FAM222B: variants seen among roughly 807,000 people sequenced by gnomAD.
FAM222B encodes the protein protein FAM222B.
FAM222B carries 12 observed loss-of-function variants against 38.0 expected under a neutral mutation model. That is an observed-to-expected ratio of 0.32 (90% confidence interval 0.20 to 0.51). FAM222B has a LOEUF of 0.51. Ranked by LOEUF, FAM222B falls within the 20% of genes least tolerant of loss-of-function variation. The pLI is 0.97. For synonymous variants in FAM222B, 329 were observed against 317.2 expected (o/e 1.04, Z -0.40); for missense variants, 716 against 754.2 (o/e 0.95, Z 0.59).
intron 1 of FAM222B, among the ~76,000 whole-genome samples, chr17:28,774,462 T>C (rs1375308034): frequency 6.6e-6 from 1 of 152,158 alleles, no homozygotes; most frequent in African/African-American, 2.4e-5. Context: ...GGGACTATGG[T>C]ATCACAGTGA....
chr17:28,774,712 G>A (rs1199140591), intron 1 of FAM222B, among the ~76,000 whole-genome samples: 1 of 152,128 alleles, frequency 6.6e-6, no homozygotes, highest in Non-Finnish European at 1.5e-5. Context: ...ATTTGTGCCA[G>A]TGAGAAAACC....
At chr17:28,785,421 G>A (rs1328031500) in intron 1 of FAM222B, among the ~76,000 whole-genome samples, 2 of 152,128 alleles carry the variant, frequency 1.3e-5, no homozygotes, top group Non-Finnish European at 2.9e-5. Context: ...TTCCATAGCT[G>A]CCTCTCTAGT....
chr17:28,832,015 C>T (rs988366082), intron 1 of FAM222B, among the ~76,000 whole-genome samples: 5 of 152,008 alleles, frequency 3.3e-5, no homozygotes, highest in Admixed American at 3.3e-4. Context: ...CGGTGAAACC[C>T]CGTCTCAACT....
At chr17:28,809,281 G>A (rs1200072810) in intron 1 of FAM222B, among the ~76,000 whole-genome samples, 1 of 151,390 alleles carries the variant, frequency 6.6e-6, no homozygotes, top group Non-Finnish European at 1.5e-5. Flanking sequence ...AACCTGGGAA[G>A]CAGAGGCTGC....
chr17:28,763,441 G>C (rs1275567582), intron 2 of FAM222B, among the ~76,000 whole-genome samples: 1 of 152,266 alleles, frequency 6.6e-6, no homozygotes, highest in Non-Finnish European at 1.5e-5. Flanking sequence ...CAGCCTGAGA[G>C]TTAAATGTAA....
intron 1 of FAM222B, among the ~76,000 whole-genome samples, chr17:28,849,778 G>T (rs1034035323): frequency 6.6e-6 from 1 of 152,020 alleles, no homozygotes; most frequent in East Asian, 1.9e-4. Context: ...ACAAAAAGTT[G>T]AAATGTAAAA....
chr17:28,758,319 T>C lies in FAM222B; in HGVS notation c.1640A>G (p.Asp547Gly). Residue 547 changes from aspartate to glycine, a missense_variant, in exon 3 of 3, where the codon GAT becomes GGT. Transcript: ENST00000581407. ...ATGAAGACTTCGACTCTCTGTGGGA[T>C]CGGGGGCTCGGTTGCCAGGGGCTCG... ...AHRAPGNRAPDPTESRSLHIQ... is the reference protein window; with the variant it reads ...AHRAPGNRAPGPTESRSLHIQ... 1 of 1,608,978 alleles carries C rather than the reference T, an allele frequency of 6.2e-7. No individual in the cohort carries two copies. Among genetic ancestry groups the C allele is most frequent in the Non-Finnish European group, 8.5e-7 (1 of 1,177,664 alleles).
chr17:28,833,009 TAA>T (rs779596504), intron 1 of FAM222B, among the ~76,000 whole-genome samples: 18,235 of 90,032 alleles, frequency 0.2, 1,419 homozygotes, highest in South Asian at 0.29. Context: ...CTGTCTCTAT[TAA>T]AAAAAAAAAA....
At chr17:28,830,225 G>A (rs184454781) in intron 1 of FAM222B, among the ~76,000 whole-genome samples, 11 of 144,518 alleles carry the variant, frequency 7.6e-5, no homozygotes, top group Admixed American at 5.1e-4. Flanking sequence ...GCAGTGGCGC[G>A]ATCTTGGCTC....
chr17:28,798,983 T>C (rs1327707819), intron 1 of FAM222B, among the ~76,000 whole-genome samples: 3 of 151,148 alleles, frequency 2.0e-5, no homozygotes, highest in Non-Finnish European at 4.4e-5. Context: ...TTGTTTTTTT[T>C]TTCTTTTTTT....
exon 1 of FAM222B, chr17:28,854,988 A>G (rs375218674): frequency 5.9e-6 from 9 of 1,521,048 alleles, no homozygotes; most frequent in Non-Finnish European, 7.9e-6. Context: ...GCTCTGTTCA[A>G]TCGTAGGAGC....
At chr17:28,810,612 C>G (rs1325515130) in intron 1 of FAM222B, among the ~76,000 whole-genome samples, 3 of 152,204 alleles carry the variant, frequency 2.0e-5, no homozygotes, top group Non-Finnish European at 4.4e-5. Context: ...TAGTCAACAT[C>G]TGGGGGATCC....
At chr17:28,782,641 T>C (rs1306567115) in intron 1 of FAM222B, among the ~76,000 whole-genome samples, 3 of 152,226 alleles carry the variant, frequency 2.0e-5, no homozygotes, top group African/African-American at 4.8e-5. Context: ...TTAAAAATTA[T>C]ATGCACACAA....
chr17:28,809,273 C>A (rs1428448519), intron 1 of FAM222B, among the ~76,000 whole-genome samples: 2 of 151,650 alleles, frequency 1.3e-5, no homozygotes, highest in South Asian at 4.1e-4. Context: ...ACTGCTTGAA[C>A]CTGGGAAGCA....
At chr17:28,788,247 G>A (rs1207940421) in intron 1 of FAM222B, among the ~76,000 whole-genome samples, 1 of 152,056 alleles carries the variant, frequency 6.6e-6, no homozygotes, top group South Asian at 2.1e-4. Flanking sequence ...TTGCTTTTTT[G>A]TTTGTTTTTG....
chr17:28,758,958 G>C lies in FAM222B; in HGVS notation c.1001C>G (p.Thr334Ser), dbSNP rs34289421. The C allele has an allele frequency of 7.1e-5, 114 of 1,610,746 alleles. No homozygotes were observed. In the African/African-American group the frequency reaches 1.4e-3, roughly 19 times the overall value. Residue 334 changes from threonine to serine, a missense_variant, in exon 3 of 3, where the codon ACC (threonine) becomes AGC (serine). Physicochemically the swap from Thr to Ser is moderately conservative, Grantham distance 58. Coordinates refer to ENST00000581407, the MANE Select transcript of FAM222B (RefSeq NM_001077498.3). Reference protein sequence around the residue: ...VNPMEHTHAATAALPAAGPVN... With the variant: ...VNPMEHTHAASAALPAAGPVN... ...AGGACCTGCAGCAGGCAACGCGGCG[G>C]TGGCCGCGTGGGTGTGCTCCATGGG...
intron 1 of FAM222B, among the ~76,000 whole-genome samples, chr17:28,824,044 AT>A (rs1210765693): frequency 6.6e-6 from 1 of 151,686 alleles, no homozygotes; most frequent in African/African-American, 2.4e-5. Context: ...CACCCAGCTC[AT>A]TTTTTGTATT....
chr17:28,845,139 G>A (rs1026384740), upstream of FAM222B, among the ~76,000 whole-genome samples: 5 of 149,412 alleles, frequency 3.3e-5, no homozygotes, highest in East Asian at 1.0e-3. Flanking sequence ...CGGTGGCTCA[G>A]GCCTGTAATC....
intron 1 of FAM222B, among the ~76,000 whole-genome samples, chr17:28,836,279 C>T (rs994464769): frequency 1.1e-3 from 165 of 152,144 alleles, no homozygotes; most frequent in African/African-American, 3.9e-3. Context: ...TAAGCCACCG[C>T]GCCTGGCCCT....
Sources: gnomAD v4.1 joint callset for allele counts (sites outside exome capture counted in the v4.1 genomes callset) on GRCh38, gnomAD v4.1.1 for gene constraint, MANE v1.5 for transcripts, NCBI Gene and HGNC (gene_info 2026-07-23, HGNC 2026-07-21) for gene names.